Variants in TBC1D12 observed in about 807,000 individuals in gnomAD.
TBC1D12 encodes TBC1 domain family, member 12.
A neutral mutation model predicts 86.7 loss-of-function variants in TBC1D12; 56 were observed. The observed-to-expected ratio is 0.65, with a 90% confidence interval of 0.52 to 0.81. The LOEUF is 0.81. Among genes scored for constraint, TBC1D12 ranks in the 30% least tolerant of loss-of-function variants. TBC1D12 has a pLI of 0.00. For missense variants in TBC1D12, 1,023 were observed against 1,038.8 expected (o/e 0.98, Z 0.21); for synonymous variants, 421 against 411.7 (o/e 1.02, Z -0.27).
intron 1 of TBC1D12, among the ~76,000 whole-genome samples, chr10:94,437,402 T>C (rs1025864311): frequency 6.6e-6 from 1 of 151,954 alleles, no homozygotes; most frequent in Non-Finnish European, 1.5e-5. Context: ...CTTGGCTCAC[T>C]GCGAGCTCCG....
intron 2 of TBC1D12, among the ~76,000 whole-genome samples, chr10:94,462,533 T>C (rs149690940): frequency 1.1e-4 from 17 of 152,180 alleles, no homozygotes; most frequent in African/African-American, 3.9e-4. Flanking sequence ...GTGTGGAAGT[T>C]TTTTGTTGTT....
At chr10:94,501,266 C>A (rs1044205957) in intron 6 of TBC1D12, among the ~76,000 whole-genome samples, 1 of 151,674 alleles carries the variant, frequency 6.6e-6, no homozygotes, top group Non-Finnish European at 1.5e-5. Flanking sequence ...CTGGGCAACA[C>A]GGTGAAACCC....
chr10:94,522,580 T>C, intron 11 of TBC1D12, 127 bp downstream of exon 11: 1 of 462,584 alleles, frequency 2.2e-6, no homozygotes, highest in Non-Finnish European at 3.8e-6. Flanking sequence ...TTTTACAAAT[T>C]TAGAAACTTC....
chr10:94,486,648 A>T (rs1206403997), intron 3 of TBC1D12, among the ~76,000 whole-genome samples: 1 of 151,880 alleles, frequency 6.6e-6, no homozygotes, highest in Admixed American at 6.6e-5. Flanking sequence ...GTTTTATTCC[A>T]TTGTGATTGG....
At position 94,531,358 on chromosome 10, in the gene TBC1D12, A is replaced by G; in HGVS notation, c.2157A>G (p.Ile719Met). 3 of 1,614,186 alleles carry G rather than the reference A, an allele frequency of 1.9e-6. No homozygotes were observed. The highest frequency in any genetic ancestry group is 2.5e-6 in the Non-Finnish European group (3 of 1,180,018). The change falls in exon 12 of 13, where the codon ATA (isoleucine) becomes ATG (methionine). Residue 719 changes from isoleucine (I) to methionine (M), a missense_variant. Physicochemically the swap from Ile to Met is conservative, Grantham distance 10. Transcript: ENST00000225235. ...DILLQMDFIH[I>M]AQFLTKLPED... ...TCCTGCAGATGGACTTTATTCATAT[A>G]GCACAGTTTCTAACTAAATTGCCAG...
At chr10:94,520,491 C>T (rs7911131) in intron 9 of TBC1D12, among the ~76,000 whole-genome samples, 25,082 of 151,620 alleles carry the variant, frequency 0.17, 2,245 homozygotes, top group Middle Eastern at 0.25. Flanking sequence ...GCGGAGGTTG[C>T]AGTGAGCTGA....
At chr10:94,411,960 A>G (rs979824143) in intron 1 of TBC1D12, among the ~76,000 whole-genome samples, 1 of 152,292 alleles carries the variant, frequency 6.6e-6, no homozygotes, top group Non-Finnish European at 1.5e-5. Flanking sequence ...TGTCTCCAAA[A>G]AAAAAGAGAA....
intron 2 of TBC1D12, among the ~76,000 whole-genome samples, chr10:94,473,198 CAAAAAA>C (rs529280932): frequency 7.5e-5 from 10 of 133,028 alleles, no homozygotes; most frequent in Non-Finnish European, 1.6e-4. Context: ...ACTAAAAATA[CAAAAAA>C]AAAAAAATAG....
At chr10:94,459,385 A>G (rs997447207) in intron 2 of TBC1D12, among the ~76,000 whole-genome samples, 1 of 152,230 alleles carries the variant, frequency 6.6e-6, no homozygotes. Context: ...AGCTAGACAT[A>G]AAAGTTCTCC....
At position 94,529,771 on chromosome 10, in the gene TBC1D12, A is replaced by T. The variant is rs1842379267; in HGVS notation, c.2001-1431A>T. Among the ~76,000 whole-genome samples, 3 of 152,090 alleles carry T rather than the reference A, an allele frequency of 2.0e-5. No homozygotes were observed. The South Asian group carries it at 6.2e-4, about 32-fold the overall frequency. On this transcript the variant is annotated intron_variant, in intron 11 of 12. Coordinates refer to ENST00000225235, the MANE Select transcript of TBC1D12 (RefSeq NM_015188.2). Reference sequence around the variant, plus strand: ...CTAATTCCATTAAGAAGGAAAAAAAAGTCCTCCATTGTCAGTCTTGAGAAG... The same window carrying T: ...CTAATTCCATTAAGAAGGAAAAAAATGTCCTCCATTGTCAGTCTTGAGAAG...
chr10:94,464,613 A>G (rs915696482), intron 2 of TBC1D12, among the ~76,000 whole-genome samples: 5 of 152,144 alleles, frequency 3.3e-5, no homozygotes, highest in African/African-American at 1.2e-4. Context: ...CTACAGGCAC[A>G]TACCACCATG....
intron 1 of TBC1D12, among the ~76,000 whole-genome samples, chr10:94,426,793 A>G (rs921950854): frequency 6.6e-6 from 1 of 151,934 alleles, no homozygotes; most frequent in African/African-American, 2.4e-5. Flanking sequence ...GGCCAGGCTG[A>G]CCTTGAACTC....
At chr10:94,450,488 T>TA (rs2055533972) in intron 2 of TBC1D12, among the ~76,000 whole-genome samples, 1 of 152,010 alleles carries the variant, frequency 6.6e-6, no homozygotes, top group Non-Finnish European at 1.5e-5. Flanking sequence ...ATATCAAAGA[T>TA]ACAGGGTAGA....
chr10:94,459,472 G>A (rs549960401), intron 2 of TBC1D12, among the ~76,000 whole-genome samples: 35 of 152,366 alleles, frequency 2.3e-4, no homozygotes, highest in Admixed American at 2.2e-3. Context: ...GGAGCTGCCC[G>A]CCAGTACCGC....
At chr10:94,503,062 T>C (rs1247619718) in intron 6 of TBC1D12, among the ~76,000 whole-genome samples, 1 of 152,238 alleles carries the variant, frequency 6.6e-6, no homozygotes, top group Non-Finnish European at 1.5e-5. Context: ...TTCTGTGGCT[T>C]TCTTTCTTCA....
intron 1 of TBC1D12, among the ~76,000 whole-genome samples, chr10:94,415,695 C>T (rs1355106541): frequency 1.3e-5 from 2 of 152,156 alleles, no homozygotes; most frequent in Admixed American, 1.3e-4. Flanking sequence ...GATGGCACCA[C>T]TGCACTCCAG....
chr10:94,500,162 A>C lies in TBC1D12; in HGVS notation c.1413-59A>C. 2.1e-6 allele frequency: 3 copies of C among 1,458,920 alleles called. No individual in the cohort carries two copies. The South Asian group carries it at 3.7e-5, about 18-fold the overall frequency. 90.4% of individuals were successfully genotyped at this position (1,458,920 alleles called of 1,614,324 possible). A position where few individuals can be genotyped will look rare whatever the true frequency, so the allele number is the denominator to read the frequency against. ...ATAGACTAAAGATAATCCATCATGC[A>C]ACTAGTATTTTTGGTATAAAAAGTA... is the stretch of plus-strand genomic sequence containing the variant. On this transcript the variant is annotated intron_variant, in intron 5 of 12. Coordinates refer to ENST00000225235, the MANE Select transcript of TBC1D12 (RefSeq NM_015188.2).
chr10:94,489,088 G>T (rs760948529), intron 3 of TBC1D12, among the ~76,000 whole-genome samples: 3 of 152,142 alleles, frequency 2.0e-5, no homozygotes, highest in Non-Finnish European at 4.4e-5. Flanking sequence ...CCTAAGAATT[G>T]CAGTCCTTGT....
At chr10:94,427,705 G>A (rs567902336) in intron 1 of TBC1D12, among the ~76,000 whole-genome samples, 2 of 151,986 alleles carry the variant, frequency 1.3e-5, no homozygotes, top group African/African-American at 4.8e-5. Context: ...GGTGGTGCAT[G>A]CCTGTAATTC....
Sources: allele counts gnomAD v4.1 joint callset (sites outside exome capture counted in the v4.1 genomes callset), GRCh38; gene constraint gnomAD v4.1.1; transcripts MANE v1.5; gene names NCBI Gene and HGNC (gene_info 2026-07-23, HGNC 2026-07-21).